Variants in KCTD16 observed in about 807,000 individuals in gnomAD.
KCTD16 encodes the protein BTB/POZ domain-containing protein KCTD16.
In KCTD16, 13 loss-of-function variants were observed where a neutral mutation model predicts 33.2. That is an observed-to-expected ratio of 0.39 (90% CI 0.25 to 0.62). The LOEUF (loss-of-function observed/expected upper bound fraction) is 0.62. Among genes scored for constraint, KCTD16 ranks in the 20% least tolerant of loss-of-function variants. The probability of loss-of-function intolerance (pLI) is 0.50; values close to 1 mark genes in which losing one functional copy is unlikely to be tolerated. For missense variants in KCTD16, 441 were observed against 525.1 expected (o/e 0.84, Z 1.57); for synonymous variants, 197 against 195.3 (o/e 1.01, Z -0.07).
At chr5:144,204,491 G>A (rs965232021) in intron 2 of KCTD16, among the ~76,000 whole-genome samples, 1 of 152,194 alleles carries the variant, frequency 6.6e-6, no homozygotes, top group Non-Finnish European at 1.5e-5. Context: ...ATGCACTTAA[G>A]GGAGCCCTCT....
chr5:144,355,979 TGTTGAC>T (rs1285776239), intron 3 of KCTD16, among the ~76,000 whole-genome samples: 13 of 152,182 alleles, frequency 8.5e-5, no homozygotes, highest in African/African-American at 2.9e-4. Flanking sequence ...TTTTAGCCCT[TGTTGAC>T]CTCCCTTCTC....
intron 2 of KCTD16, among the ~76,000 whole-genome samples, chr5:144,187,583 A>G (rs1418078164): frequency 6.6e-6 from 1 of 152,216 alleles, no homozygotes; most frequent in African/African-American, 2.4e-5. Flanking sequence ...AGAGGAAAAT[A>G]TGAAAATGAG....
chr5:144,343,295 GTT>G lies in KCTD16; in HGVS notation c.833-130363_833-130362del, dbSNP rs545431631. On this transcript the variant is annotated intron_variant, in intron 3 of 3. Transcript: ENST00000512467. Reference sequence around the variant, plus strand: ...TATTCAGAGATTCAACTTCTTCCTGGTTTAGTCTTGGGAGGGTGTATGTGTCG... The same window carrying G: ...TATTCAGAGATTCAACTTCTTCCTGGTAGTCTTGGGAGGGTGTATGTGTCG... 5.4e-3 allele frequency among the ~76,000 whole-genome samples: 823 copies of G among 152,020 alleles called. 8 individuals are homozygous for G. Among genetic ancestry groups the G allele is most frequent in the African/African-American group, 0.019 (786 of 41,482 alleles).
At chr5:144,383,145 T>C (rs983993982) in intron 3 of KCTD16, 3 of 152,114 alleles carry the variant, frequency 2.0e-5, no homozygotes, top group Admixed American at 6.6e-5. Context: ...ACAGGTAAGT[T>C]TGAAAAGAGC....
At chr5:144,232,366 G>A (rs1367420660) in intron 3 of KCTD16, among the ~76,000 whole-genome samples, 2 of 152,104 alleles carry the variant, frequency 1.3e-5, no homozygotes, top group African/African-American at 4.8e-5. Context: ...TATTTTTTGA[G>A]CACTTACTTG....
Position 144,313,485 on chromosome 5 carries a change from G to A in KCTD16, c.832+105939G>A, listed in dbSNP as rs529722430. On this transcript the variant is annotated intron_variant, in intron 3 of 3. Transcript: ENST00000512467. ...ACATGAAAATACTAAAATATTGTAA[G>A]GTTTTGTTATCAGAGAGTAGATTAA... is the stretch of plus-strand genomic sequence containing the variant. 1.2e-4 allele frequency among the ~76,000 whole-genome samples: 18 copies of A among 152,200 alleles called. No homozygotes were observed. The South Asian group carries it at 1.2e-3, about 11-fold the overall frequency.
chr5:144,386,741 T>TAA (rs1752332143), intron 3 of KCTD16, among the ~76,000 whole-genome samples: 1 of 152,078 alleles, frequency 6.6e-6, no homozygotes, highest in African/African-American at 2.4e-5. Flanking sequence ...CATTCCAGAG[T>TAA]GCTTTGATGG....
At chr5:144,189,304 A>G (rs1296389287) in intron 2 of KCTD16, among the ~76,000 whole-genome samples, 2 of 152,048 alleles carry the variant, frequency 1.3e-5, no homozygotes, top group Admixed American at 6.5e-5. Context: ...CATCCTGGCT[A>G]ACATGGTGAA....
chr5:144,315,564 T>G (rs1477840057), intron 3 of KCTD16, among the ~76,000 whole-genome samples: 1 of 152,148 alleles, frequency 6.6e-6, no homozygotes, highest in African/African-American at 2.4e-5. Flanking sequence ...AATAACATCT[T>G]TAAGTGTTAT....
At chr5:144,351,702 A>G (rs1247329385) in intron 3 of KCTD16, among the ~76,000 whole-genome samples, 3 of 152,232 alleles carry the variant, frequency 2.0e-5, no homozygotes, top group Admixed American at 2.0e-4. Flanking sequence ...CTGTATATAC[A>G]CAATGGAGTA....
intron 2 of KCTD16, among the ~76,000 whole-genome samples, chr5:144,195,361 G>A (rs1752921300): frequency 6.6e-6 from 1 of 152,178 alleles, no homozygotes; most frequent in Admixed American, 6.5e-5. Context: ...CTGCTGATCT[G>A]GGTTTCTTAG....
chr5:144,346,699 G>T (rs755502667), intron 3 of KCTD16, among the ~76,000 whole-genome samples: 12 of 152,048 alleles, frequency 7.9e-5, no homozygotes, highest in Non-Finnish European at 1.5e-5. Context: ...TTTTTGATTG[G>T]ATTATTAGAC....
At position 144,172,142 on chromosome 5, in the gene KCTD16, C is replaced by T. The variant is rs183430447; in HGVS notation, c.-493+1133C>T. The stretch of plus-strand genomic sequence containing the variant: ...CCACCCCAATAAAACAAACAGAAAA[C>T]GCACTCCCCTCCAAACAAAAATAGC... On this transcript the variant is annotated intron_variant, in intron 1 of 3. Coordinates refer to ENST00000512467, the MANE Select transcript of KCTD16 (RefSeq NM_020768.4). Among the ~76,000 whole-genome samples, 307 of 151,308 alleles carry T rather than the reference C, an allele frequency of 2.0e-3. 3 individuals are homozygous for T. The highest frequency in any genetic ancestry group is 6.8e-3 in the African/African-American group (280 of 40,994).
chr5:144,460,460 G>T (rs1210246468), intron 3 of KCTD16, among the ~76,000 whole-genome samples: 1 of 151,588 alleles, frequency 6.6e-6, no homozygotes, highest in Non-Finnish European at 1.5e-5. Flanking sequence ...TTATTTTTTT[G>T]AGGCAGAGTC....
intron 3 of KCTD16, among the ~76,000 whole-genome samples, chr5:144,433,049 C>T (rs73296081): frequency 3.3e-5 from 5 of 152,006 alleles, no homozygotes; most frequent in Non-Finnish European, 5.9e-5. Context: ...GGCAGAACCA[C>T]GTGTGTACCT....
chr5:144,297,200 T>C (rs1348628140), intron 3 of KCTD16, among the ~76,000 whole-genome samples: 1 of 152,264 alleles, frequency 6.6e-6, no homozygotes, highest in Non-Finnish European at 1.5e-5. Flanking sequence ...CTTCATAAAA[T>C]GTTTAGTAAT....
chr5:144,266,892 A>T (rs1406549937), intron 3 of KCTD16, among the ~76,000 whole-genome samples: 2 of 152,078 alleles, frequency 1.3e-5, no homozygotes, highest in African/African-American at 4.8e-5. Context: ...CTGTCCTATG[A>T]TACAGATATT....
At chr5:144,444,997 A>G (rs976896352) in intron 3 of KCTD16, among the ~76,000 whole-genome samples, 3 of 150,382 alleles carry the variant, frequency 2.0e-5, no homozygotes, top group South Asian at 2.1e-4. Flanking sequence ...ATATGCATAT[A>G]TATGTACACA....
intron 3 of KCTD16, among the ~76,000 whole-genome samples, chr5:144,421,712 C>T (rs1467243973): frequency 2.0e-5 from 3 of 152,070 alleles, no homozygotes; most frequent in Non-Finnish European, 2.9e-5. Context: ...CGGCACATTC[C>T]GGACTTGCTT....
Sources: allele counts gnomAD v4.1 joint callset (sites outside exome capture counted in the v4.1 genomes callset), GRCh38; gene constraint gnomAD v4.1.1; transcripts MANE v1.5; gene names NCBI Gene and HGNC (gene_info 2026-07-23, HGNC 2026-07-21).